The following RLF variants were observed in gnomAD, a reference collection of about 807,000 sequenced individuals.
RLF encodes RLF zinc finger.
Under a neutral mutation model 162.9 loss-of-function variants are expected in RLF, and 7 were observed. The observed-to-expected ratio is 0.04, with a 90% confidence interval of 0.02 to 0.08. RLF has a LOEUF of 0.08. Ranked by LOEUF, RLF falls within the 10% of genes least tolerant of loss-of-function variation. RLF has a pLI of 1.00. For missense variants in RLF, 1,664 were observed against 2,244.7 expected, an observed-to-expected ratio of 0.74 and a Z score of 5.23; for synonymous variants, 782 against 791.5, an observed-to-expected ratio of 0.99 and a Z score of 0.20.
At chr1:40,186,524 A>G (rs1292270990) in intron 1 of RLF, among the ~76,000 whole-genome samples, 3 of 152,328 alleles carry the variant, frequency 2.0e-5, no homozygotes, top group Middle Eastern at 3.4e-3. Flanking sequence ...GTCAGAAGCT[A>G]TTAGATTGGT....
chr1:40,174,854 C>T (rs1049651814), intron 1 of RLF, among the ~76,000 whole-genome samples: 1 of 152,128 alleles, frequency 6.6e-6, no homozygotes, highest in East Asian at 1.9e-4. Context: ...TTGGTTTTTT[C>T]TTCATAGTGA....
At chr1:40,221,578 T>G (rs1642994908) in intron 5 of RLF, among the ~76,000 whole-genome samples, 1 of 151,436 alleles carries the variant, frequency 6.6e-6, no homozygotes, top group Non-Finnish European at 1.5e-5. Flanking sequence ...CTGGAGGAGT[T>G]GAGCTGTTTA....
At chr1:40,235,295 C>G (rs1415247578) in intron 7 of RLF, among the ~76,000 whole-genome samples, 5 of 151,970 alleles carry the variant, frequency 3.3e-5, no homozygotes, top group Non-Finnish European at 5.9e-5. Context: ...TCAGGTGATA[C>G]ACCTGCCTCG....
intron 6 of RLF, among the ~76,000 whole-genome samples, chr1:40,228,852 G>A (rs1344047064): frequency 3.3e-5 from 5 of 152,140 alleles, no homozygotes; most frequent in Non-Finnish European, 7.4e-5. Flanking sequence ...GAGTATACTG[G>A]TGAGATCACA....
At chr1:40,180,775 A>G (rs11207626) in intron 1 of RLF, among the ~76,000 whole-genome samples, 74,565 of 151,926 alleles carry the variant, frequency 0.49, 19,812 homozygotes, top group Middle Eastern at 0.61. Context: ...GGAGGTCTTT[A>G]TGTGTTTAGA....
At chr1:40,225,314 C>T (rs1643054232) in intron 6 of RLF, among the ~76,000 whole-genome samples, 1 of 152,110 alleles carries the variant, frequency 6.6e-6, no homozygotes, top group Non-Finnish European at 1.5e-5. Flanking sequence ...CGCAGTAGCT[C>T]ACGCCTGTAA....
chr1:40,240,286 G>T lies in RLF; in HGVS notation c.5584G>T (p.Val1862Phe), dbSNP rs368220749. 6.2e-7 allele frequency: 1 copy of T among 1,614,166 alleles called. No homozygotes were observed. The highest frequency in any genetic ancestry group is 8.5e-7 in the Non-Finnish European group (1 of 1,180,026). ...AGTTCCTTCCTTGGAAAACCTGAGG[G>T]TTGTATTGGACAAAGCATTAACAGA... Reference protein sequence around the residue: ...TTVPSLENLRVVLDKALTDCG... With the variant: ...TTVPSLENLRFVLDKALTDCG... Residue 1862 changes from valine (V) to phenylalanine (F), a missense_variant, in exon 8 of 8, where the codon GTT becomes TTT. Transcript: ENST00000372771.
Position 40,239,219 on chromosome 1 carries a change from C to T in RLF, c.4517C>T (p.Thr1506Ile), listed in dbSNP as rs765282106. 1 of 1,614,096 alleles carries T rather than the reference C, an allele frequency of 6.2e-7. No individual in the cohort carries two copies. Among genetic ancestry groups the T allele is most frequent in the Non-Finnish European group, 8.5e-7 (1 of 1,180,014 alleles). Residue 1506 changes from threonine to isoleucine, a missense_variant, in exon 8 of 8, where the codon ACC becomes ATC. Physicochemically the swap from Thr to Ile is moderately conservative, Grantham distance 89. Coordinates refer to ENST00000372771, the MANE Select transcript of RLF (RefSeq NM_012421.4). ...GATACTCAGGGGCATGAACATCAGA[C>T]CACCAGGAGATCATTTAATGCTAAG... is the stretch of plus-strand genomic sequence containing the variant. ...TADTQGHEHQ[T>I]TRRSFNAKSK...
rs776331734 is a variant in RLF at position 40,202,609 on chromosome 1, A to G, written c.805A>G (p.Lys269Glu). The change falls in exon 5 of 8, where the codon AAG becomes GAG. Residue 269 changes from lysine to glutamate, a missense_variant. By Grantham distance (56) the Lys-to-Glu change is moderately conservative. This residue lies in a region of RLF where 287 missense variants were observed against 404.9 expected (regional missense o/e 0.71). Transcript: ENST00000372771. ...CSMLPNEDAI[K>E]EIAKVDCKEV... is the part of the protein sequence containing the mutation. ...TATGCTCCCTAATGAAGATGCTATT[A>G]AGGAGGTGAGTAAATAATTGTTGTC... 1 of 1,508,636 alleles carries G rather than the reference A, an allele frequency of 6.6e-7. No individual in the cohort carries two copies. Among genetic ancestry groups the G allele is most frequent in the East Asian group, 2.5e-5 (1 of 39,746 alleles). The allele number at this position is 1,508,636 out of a possible 1,614,324, so 93.5% of individuals were successfully genotyped here. A position where few individuals can be genotyped will look rare whatever the true frequency, so the allele number is the denominator to read the frequency against.
intron 5 of RLF, among the ~76,000 whole-genome samples, chr1:40,218,334 T>G (rs1354300406): frequency 2.0e-5 from 3 of 152,244 alleles, no homozygotes; most frequent in Non-Finnish European, 4.4e-5. Context: ...GGACTGAATT[T>G]CAGCCCCCAC....
chr1:40,169,779 G>A (rs1315046407), intron 1 of RLF, among the ~76,000 whole-genome samples: 1 of 145,310 alleles, frequency 6.9e-6, no homozygotes, highest in African/African-American at 2.5e-5. Context: ...TGCAACCTCC[G>A]CCTCCCGGGT....
chr1:40,205,078 C>G (rs1054936774), intron 5 of RLF, among the ~76,000 whole-genome samples: 1 of 152,224 alleles, frequency 6.6e-6, no homozygotes, highest in African/African-American at 2.4e-5. Flanking sequence ...CTCCTTTTCT[C>G]TATTACATCA....
Position 40,190,933 on chromosome 1 carries a change from C to G in RLF, c.474+80C>G, listed in dbSNP as rs117156802. On this transcript the variant is annotated intron_variant, in intron 3 of 7. Coordinates refer to ENST00000372771, the MANE Select transcript of RLF (RefSeq NM_012421.4). Reference sequence around the variant, plus strand: ...ACTCCCAGCAAACTAAAATTGGAACCTTAGAACAAAAACAAGTTTATTATA... The same window carrying G: ...ACTCCCAGCAAACTAAAATTGGAACGTTAGAACAAAAACAAGTTTATTATA... 869 of 791,890 alleles carry G rather than the reference C, an allele frequency of 1.1e-3. 13 individuals carry two copies. In the East Asian group the frequency reaches 0.022, roughly 20 times the overall value. The allele number at this position is 791,890 out of a possible 1,614,324, so 49.1% of individuals were successfully genotyped here.
rs1198942443 is a variant in RLF at position 40,237,608 on chromosome 1, G to C, written c.2906G>C (p.Arg969Thr). ...TGTGGTTCCACATACAAAAATGCAA[G>C]AGGAATGCAGAAACATTTACGGAAG... ...DGCGSTYKNA[R>T]GMQKHLRKVH... The change falls in exon 8 of 8, where the codon AGA (arginine) becomes ACA (threonine). Residue 969 changes from arginine to threonine, a missense_variant. Transcript: ENST00000372771. This position sits in a 1 kb window ranked among gnomAD's most constrained non-coding sequence, Gnocchi z 4.4. 1 of 1,614,014 alleles carries C rather than the reference G, an allele frequency of 6.2e-7. No homozygotes were observed. The highest frequency in any genetic ancestry group is 8.5e-7 in the Non-Finnish European group (1 of 1,180,022).
chr1:40,187,299 G>A (rs1219119528), intron 1 of RLF, among the ~76,000 whole-genome samples: 4 of 152,108 alleles, frequency 2.6e-5, no homozygotes, highest in African/African-American at 7.2e-5. Context: ...CAAAGTGCTG[G>A]GATTACAGGC....
Position 40,189,044 on chromosome 1 carries a change from T to G in RLF, c.238-11T>G. The G allele has an allele frequency of 6.7e-7, 1 of 1,493,620 alleles. No individual in the cohort carries two copies. Among genetic ancestry groups the G allele is most frequent in the Non-Finnish European group, 9.0e-7 (1 of 1,106,092 alleles). 92.5% of individuals were successfully genotyped at this position (1,493,620 alleles called of 1,614,324 possible). On this transcript the variant is annotated splice_polypyrimidine_tract_variant and intron_variant, in intron 1 of 7. Coordinates refer to ENST00000372771, the MANE Select transcript of RLF (RefSeq NM_012421.4). The stretch of plus-strand genomic sequence containing the variant: ...TTTTATTTGTAAATAATTTTTAATT[T>G]TATTTTGTAGACCTTATTGCAATAT...
intron 7 of RLF, among the ~76,000 whole-genome samples, chr1:40,235,482 A>G (rs1204977559): frequency 2.0e-5 from 3 of 152,124 alleles, no homozygotes; most frequent in South Asian, 2.1e-4. Context: ...GACCTTTTTT[A>G]TCCTGAATTT....
intron 3 of RLF, among the ~76,000 whole-genome samples, chr1:40,191,722 GA>G (rs1238030497): frequency 1.3e-5 from 2 of 151,926 alleles, no homozygotes; most frequent in Non-Finnish European, 2.9e-5. Context: ...AAAATAATAG[GA>G]CTCGTCTCTA....
chr1:40,235,613 TA>T (rs2124561783), intron 7 of RLF, among the ~76,000 whole-genome samples, 178 bp from the exon 8 acceptor site: 1 of 152,356 alleles, frequency 6.6e-6, no homozygotes, highest in East Asian at 1.9e-4. Flanking sequence ...TTGTAGCATC[TA>T]ATTTAGTTCT....
Sources: gnomAD v4.1 joint callset for allele counts (sites outside exome capture counted in the v4.1 genomes callset) on GRCh38, gnomAD v4.1.1 for gene constraint, gnomAD v4.1.1 regional missense constraint, Gnocchi (gnomAD v3.1) non-coding constraint, MANE v1.5 for transcripts, NCBI Gene and HGNC (gene_info 2026-07-23, HGNC 2026-07-21) for gene names.